The following EYS variants were observed in gnomAD, a reference collection of about 807,000 sequenced individuals.
The protein encoded by EYS is EGF-like photoreceptor maintenance factor.
In EYS, 250 loss-of-function variants were observed where a neutral mutation model predicts 282.1. That is an observed-to-expected ratio of 0.89 (90% confidence interval 0.80 to 0.98). The LOEUF is 0.98. Ranked by LOEUF, EYS falls within the 50% of genes least tolerant of loss-of-function variation. The pLI is 0.00. For missense variants in EYS, 4,016 were observed against 3,709.0 expected, an observed-to-expected ratio of 1.08 and a Z score of -2.15; for synonymous variants, 1,355 against 1,282.9, an observed-to-expected ratio of 1.06 and a Z score of -1.20.
intron 12 of EYS, among the ~76,000 whole-genome samples, chr6:65,246,014 T>G (rs559403670): frequency 2.0e-5 from 3 of 152,240 alleles, no homozygotes; most frequent in South Asian, 4.1e-4. Context: ...ATATTCCTAT[T>G]ATTTCTCCCT....
In EYS at chr6:65,215,123, C is replaced by T. The variant is rs114615832; in HGVS notation, c.2023+80740G>A. Among the ~76,000 whole-genome samples, 466 of 152,142 alleles carry T rather than the reference C, an allele frequency of 3.1e-3. 1 individual carries two copies. Among genetic ancestry groups the T allele is most frequent in the African/African-American group, 0.011 (447 of 41,510 alleles). Reference sequence around the variant, plus strand: ...TCCATAGAAAAAGGAGTAATTATAACTTTCAATATTATTAAGAAATACATT... The same window carrying T: ...TCCATAGAAAAAGGAGTAATTATAATTTTCAATATTATTAAGAAATACATT... On this transcript the variant is annotated intron_variant, in intron 12 of 42. Transcript: ENST00000503581.
intron 29 of EYS, among the ~76,000 whole-genome samples, chr6:64,359,416 T>A (rs1771932572): frequency 1.3e-5 from 2 of 151,758 alleles, no homozygotes; most frequent in South Asian, 4.1e-4. Context: ...TATGTCTAGA[T>A]TTCTTCAGTT....
chr6:64,805,420 T>G (rs74684395), intron 22 of EYS, among the ~76,000 whole-genome samples: 4,543 of 152,084 alleles, frequency 0.03, 204 homozygotes, highest in African/African-American at 0.1. Flanking sequence ...TCACATTTAG[T>G]ATAGCTGACA....
chr6:65,622,743 G>T (rs1766557981), intron 2 of EYS, among the ~76,000 whole-genome samples: 1 of 146,136 alleles, frequency 6.8e-6, no homozygotes, highest in Admixed American at 7.1e-5. Flanking sequence ...TTACTATATA[G>T]GAATAATCTT....
Position 63,777,319 on chromosome 6 carries a change from G to A in EYS, c.7898+687C>T, listed in dbSNP as rs565482068. On this transcript the variant is annotated intron_variant, in intron 40 of 42. Transcript: ENST00000503581. ...CTCCTCTTTCCCAGCTGCTTTGCAG[G>A]GAGCCGGTGTTCCTGGTGAACACTG... 5.9e-5 allele frequency among the ~76,000 whole-genome samples: 9 copies of A among 152,192 alleles called. No individual in the cohort carries two copies. The East Asian group carries it at 1.7e-3, about 29-fold the overall frequency.
intron 12 of EYS, among the ~76,000 whole-genome samples, chr6:65,092,272 A>G (rs1357730743): frequency 6.6e-6 from 1 of 152,176 alleles, no homozygotes; most frequent in Non-Finnish European, 1.5e-5. Flanking sequence ...GATTCATACT[A>G]TTAAAACAGA....
Position 65,353,553 on chromosome 6 carries a change from T to A in EYS, c.1364A>T (p.His455Leu). Residue 455 changes from histidine (H) to leucine (L), a missense_variant, in exon 9 of 43, where the codon CAT (histidine) becomes CTT (leucine). Coordinates refer to ENST00000503581, the MANE Select transcript of EYS (RefSeq NM_001142800.2). The stretch of plus-strand genomic sequence containing the variant: ...GACTCCACAGTAGCAGAGGTGTTGA[T>A]GAATTAGGTAAACATTCTTCAAAAA... Reference protein sequence around the residue: ...CWFLKNVYLIHQHLCYCGVTF... With the variant: ...CWFLKNVYLILQHLCYCGVTF... The A allele has an allele frequency of 1.2e-6, 2 of 1,613,078 alleles. No homozygotes were observed. The highest frequency in any genetic ancestry group is 1.1e-5 in the South Asian group (1 of 91,070).
At chr6:63,768,544 C>A (rs1174611105) in intron 40 of EYS, among the ~76,000 whole-genome samples, 1 of 151,868 alleles carries the variant, frequency 6.6e-6, no homozygotes, top group Non-Finnish European at 1.5e-5. Flanking sequence ...TCACACCAAT[C>A]AGAATGGCTA....
chr6:63,885,462 C>A (rs755754841), intron 35 of EYS, among the ~76,000 whole-genome samples: 1 of 152,090 alleles, frequency 6.6e-6, no homozygotes, highest in Non-Finnish European at 1.5e-5. Flanking sequence ...TACTCTTTTT[C>A]TTTGATGCAA....
intron 35 of EYS, among the ~76,000 whole-genome samples, chr6:63,880,487 GTATCTATCTATCTATC>G (rs56891791): frequency 1.4e-5 from 2 of 142,780 alleles, no homozygotes; most frequent in South Asian, 2.4e-4. Context: ...CTGTCTGTCT[GTATCTATCTATCTATC>G]TATCTATCTA....
At chr6:65,117,312 T>C (rs919683738) in intron 12 of EYS, among the ~76,000 whole-genome samples, 61 of 152,216 alleles carry the variant, frequency 4.0e-4, no homozygotes, top group African/African-American at 1.4e-3. Flanking sequence ...AAGCTATTTA[T>C]GTACCATCAT....
chr6:63,831,651 G>C (rs1023570430), intron 36 of EYS, among the ~76,000 whole-genome samples: 1 of 152,272 alleles, frequency 6.6e-6, no homozygotes, highest in Middle Eastern at 3.4e-3. Flanking sequence ...ACATTAGACA[G>C]ATCAAAGAGA....
chr6:64,615,403 T>C (rs142689341), intron 24 of EYS, among the ~76,000 whole-genome samples: 166 of 152,256 alleles, frequency 1.1e-3, no homozygotes, highest in African/African-American at 3.7e-3. Context: ...TGTATCCATT[T>C]CAATATTTTA....
At chr6:65,231,408 G>A (rs111596648) in intron 12 of EYS, among the ~76,000 whole-genome samples, 90 of 151,396 alleles carry the variant, frequency 5.9e-4, no homozygotes, top group Admixed American at 8.6e-4. Flanking sequence ...ATTGTTCTAT[G>A]TCGCTCAAAT....
intron 1 of EYS, among the ~76,000 whole-genome samples, chr6:65,662,835 C>T (rs1358193894): frequency 2.0e-5 from 3 of 151,994 alleles, no homozygotes; most frequent in Admixed American, 6.6e-5. Context: ...ACAAGTTAGT[C>T]AAGGTTGTTA....
intron 31 of EYS, among the ~76,000 whole-genome samples, chr6:64,195,699 AAATT>A (rs1447714083): frequency 6.6e-6 from 1 of 152,214 alleles, no homozygotes; most frequent in African/African-American, 2.4e-5. Context: ...ATGTATAAAT[AAATT>A]TTTATCCAGA....
chr6:64,439,368 G>A lies in EYS; in HGVS notation c.5645-16C>T, dbSNP rs529469993. The A allele has an allele frequency of 3.9e-5, 57 of 1,455,168 alleles. No homozygotes were observed. The Admixed American group carries it at 1.4e-3, about 36-fold the overall frequency. 90.1% of individuals were successfully genotyped at this position (1,455,168 alleles called of 1,614,324 possible). ...CAACTGAAATCTGTGGAGTCAGAAA[G>A]AAAATACAATTTAGGTTGAAATAAA... is the stretch of plus-strand genomic sequence containing the variant. On this transcript the variant is annotated splice_polypyrimidine_tract_variant and intron_variant, in intron 26 of 42. Coordinates refer to ENST00000503581, the MANE Select transcript of EYS (RefSeq NM_001142800.2).
At chr6:64,023,763 G>A (rs939042845) in intron 33 of EYS, among the ~76,000 whole-genome samples, 5 of 152,236 alleles carry the variant, frequency 3.3e-5, no homozygotes, top group Non-Finnish European at 7.3e-5. Flanking sequence ...CTCAGCTTGC[G>A]AGGAGGTGTG....
intron 30 of EYS, among the ~76,000 whole-genome samples, chr6:64,243,155 T>C (rs545201563): frequency 6.6e-6 from 1 of 151,720 alleles, no homozygotes; most frequent in South Asian, 2.1e-4. Flanking sequence ...TGAGTATTTT[T>C]ATTCATATCC....
Sources: allele counts gnomAD v4.1 joint callset (sites outside exome capture counted in the v4.1 genomes callset), GRCh38; gene constraint gnomAD v4.1.1; transcripts MANE v1.5; gene names NCBI Gene and HGNC (gene_info 2026-07-23, HGNC 2026-07-21).